Variants in MADD observed in about 807,000 individuals in gnomAD.
The protein encoded by MADD is MAP kinase-activating death domain protein.
MADD carries 109 observed loss-of-function variants against 176.7 expected under a neutral mutation model. The ratio of observed to expected loss-of-function variants is 0.62; its 90% CI spans 0.53 to 0.72. The LOEUF (loss-of-function observed/expected upper bound fraction) is 0.72. MADD is among the 30% of genes least tolerant of loss of function. The pLI, the probability that MADD is intolerant of heterozygous loss-of-function variation, is 0.00. For missense variants in MADD, 1,914 were observed against 2,045.5 expected (o/e 0.94, Z 1.24); for synonymous variants, 771 against 771.3 (o/e 1.00, Z 0.01).
chr11:47,307,777 TC>T (rs1166963443), intron 22 of MADD, among the ~76,000 whole-genome samples: 4 of 152,122 alleles, frequency 2.6e-5, no homozygotes, highest in Non-Finnish European at 5.9e-5. Context: ...CAAGCGATTC[TC>T]CTGCCTTAGC....
At position 47,326,558 on chromosome 11, in the gene MADD, T is replaced by G; in HGVS notation, c.4543-180T>G. 1 of 1,415,120 alleles carries G rather than the reference T, an allele frequency of 7.1e-7. No homozygotes were observed. Among genetic ancestry groups the G allele is most frequent in the Non-Finnish European group, 9.2e-7 (1 of 1,086,682 alleles). 87.7% of individuals were successfully genotyped at this position (1,415,120 alleles called of 1,614,324 possible). ...CCTCCGGCCAGGAGCGGAAGGTACA[T>G]GCCCTTTCTGCTATCTTCGCTTCTT... On this transcript the variant is annotated intron_variant, in intron 30 of 32. Coordinates refer to ENST00000402192, the Ensembl canonical transcript of MADD.
chr11:47,327,517 CATCGA>C (rs1428815401), intron 31 of MADD: 3 of 985,340 alleles, frequency 3.0e-6, no homozygotes, highest in East Asian at 1.1e-4. Flanking sequence ...GGGTAGCTCC[CATCGA>C]ACCAGCTCCT....
intron 31 of MADD, chr11:47,328,366 C>T: frequency 7.5e-7 from 1 of 1,341,932 alleles, no homozygotes; most frequent in South Asian, 1.6e-5. Flanking sequence ...AGGCCCGTCC[C>T]TCCCATCCAG....
At position 47,277,846 on chromosome 11, in the gene MADD, A is replaced by G. The variant is rs150325017; in HGVS notation, c.1096-319A>G. Among the ~76,000 whole-genome samples the G allele has an allele frequency of 2.0e-5, 3 of 152,334 alleles. 1 individual carries two copies. The East Asian group carries it at 5.8e-4, about 29-fold the overall frequency. On this transcript the variant is annotated intron_variant, in intron 5 of 32. Coordinates refer to ENST00000402192, the Ensembl canonical transcript of MADD. ...AGAACTATTGTCCTGCACTTCAGAT[A>G]TGATCAAGCTGCAGTTTAAAATTTA...
In MADD at chr11:47,298,346, G is replaced by A. The variant is rs112430974; in HGVS notation, c.3642+2291G>A. 9.3e-3 allele frequency among the ~76,000 whole-genome samples: 1,422 copies of A among 152,260 alleles called. 22 individuals carry two copies. Among genetic ancestry groups the A allele is most frequent in the African/African-American group, 0.032 (1,331 of 41,546 alleles). ...CAGTGCTTGCTTGTACTCTTCAGCC[G>A]CATAACTGTGAAGATAGCAACCATC... is the stretch of plus-strand genomic sequence containing the variant. On this transcript the variant is annotated intron_variant, in intron 22 of 32. Coordinates refer to ENST00000402192, the Ensembl canonical transcript of MADD.
chr11:47,319,173 C>T (rs1338537189), intron 27 of MADD, among the ~76,000 whole-genome samples: 9 of 148,434 alleles, frequency 6.1e-5, no homozygotes, highest in Non-Finnish European at 1.2e-4. Context: ...GCTCTGTCAC[C>T]CAGGCTGGAG....
At chr11:47,316,542 C>T (rs2093059893) in intron 27 of MADD, among the ~76,000 whole-genome samples, 1 of 151,734 alleles carries the variant, frequency 6.6e-6, no homozygotes, top group Non-Finnish European at 1.5e-5. Context: ...GCGCCCACCA[C>T]CGCACCCAGC....
chr11:47,293,874 C>T lies in MADD; in HGVS notation c.3302-9C>T, dbSNP rs775531747. The stretch of plus-strand genomic sequence containing the variant: ...GTGCACGGAGTAACAGAAGTCTTCC[C>T]CTACTCAGGGCCTGAAGTAATCAAA... On this transcript the variant is annotated splice_polypyrimidine_tract_variant and intron_variant, in intron 19 of 32. Coordinates refer to ENST00000402192, the Ensembl canonical transcript of MADD. The T allele has an allele frequency of 2.5e-5, 39 of 1,588,290 alleles. 1 individual carries two copies. In the South Asian group the frequency reaches 4.1e-4, roughly 17 times the overall value.
In MADD at chr11:47,278,983, C is replaced by T; in HGVS notation, c.1210-16C>T. On this transcript the variant is annotated splice_polypyrimidine_tract_variant and intron_variant, in intron 6 of 32. Coordinates refer to ENST00000402192, the Ensembl canonical transcript of MADD. ...TAAACTCTAAGGTCACGTCTTTTAT[C>T]ATTTCTCTGGTGCAGGTGATTGCCC... is the stretch of plus-strand genomic sequence containing the variant. 1 of 1,612,446 alleles carries T rather than the reference C, an allele frequency of 6.2e-7. No homozygotes were observed. The highest frequency in any genetic ancestry group is 8.5e-7 in the Non-Finnish European group (1 of 1,178,572).
chr11:47,274,721 A>C (rs143250988), exon 3 of MADD: 2 of 1,614,210 alleles, frequency 1.2e-6, no homozygotes, highest in Non-Finnish European at 1.7e-6. Flanking sequence ...CTTCGGGATG[A>C]TACCTCTTTT....
chr11:47,278,573 GTA>G (rs58649852), intron 6 of MADD, among the ~76,000 whole-genome samples: 1 of 152,104 alleles, frequency 6.6e-6, no homozygotes, highest in African/African-American at 2.4e-5. Context: ...ATTACATGTG[GTA>G]TAGATCATCT....
chr11:47,275,849 G>T, intron 3 of MADD, 50 bp from the exon 4 acceptor site: 2 of 1,523,160 alleles, frequency 1.3e-6, no homozygotes, highest in South Asian at 1.2e-5. Flanking sequence ...TTGCAGTAGG[G>T]TATCAGCTTC....
At chr11:47,284,534 G>T in exon 12 of MADD, 1 of 1,614,084 alleles carries the variant, frequency 6.2e-7, no homozygotes, top group Non-Finnish European at 8.5e-7. Context: ...GCCAGCAGCA[G>T]CCCCAGCACT....
chr11:47,302,126 A>G (rs1361906066), intron 22 of MADD, among the ~76,000 whole-genome samples: 2 of 152,154 alleles, frequency 1.3e-5, no homozygotes, highest in African/African-American at 2.4e-5. Flanking sequence ...CTTGCTTTAT[A>G]TAGCTGTTCT....
chr11:47,273,455 C>T (rs536056804), intron 1 of MADD, among the ~76,000 whole-genome samples: 1 of 152,178 alleles, frequency 6.6e-6, no homozygotes, highest in Non-Finnish European at 1.5e-5. Context: ...TCTCATGCCT[C>T]AGACTCCCGA....
intron 20 of MADD, among the ~76,000 whole-genome samples, chr11:47,294,361 A>T (rs1406566918): frequency 2.6e-5 from 3 of 116,956 alleles, no homozygotes; most frequent in African/African-American, 1.1e-4. Context: ...AAAAAAAAAA[A>T]AATAAAAATA....
chr11:47,318,350 G>A (rs1313350310), intron 27 of MADD, among the ~76,000 whole-genome samples: 2 of 152,106 alleles, frequency 1.3e-5, no homozygotes, highest in East Asian at 1.9e-4. Context: ...TCTACCAAAC[G>A]CAAGAAGGGC....
chr11:47,289,676 G>A (rs529010159), intron 16 of MADD, among the ~76,000 whole-genome samples, 183 bp downstream of exon 17: 1 of 152,316 alleles, frequency 6.6e-6, no homozygotes, highest in South Asian at 2.1e-4. Flanking sequence ...AGTGTTGAGG[G>A]GGGTTAATCA....
chr11:47,279,973 G>A (rs1435146379), intron 7 of MADD, among the ~76,000 whole-genome samples: 1 of 152,096 alleles, frequency 6.6e-6, no homozygotes, highest in Non-Finnish European at 1.5e-5. Context: ...AGGAGGCTGA[G>A]GTAGAAGAAT....
Sources: gnomAD v4.1 joint callset for allele counts (sites outside exome capture counted in the v4.1 genomes callset) on GRCh38, gnomAD v4.1.1 for gene constraint, MANE v1.5 for transcripts, NCBI Gene and HGNC (gene_info 2026-07-23, HGNC 2026-07-21) for gene names.